Variants in MGAT4C observed in about 807,000 individuals in gnomAD.
The protein encoded by MGAT4C is alpha-1,3-mannosyl-glycoprotein 4-beta-N-acetylglucosaminyltransferase C.
In MGAT4C, 19 loss-of-function variants were observed where a neutral mutation model predicts 40.1. The observed-to-expected ratio is 0.47, with a 90% CI of 0.33 to 0.70. The LOEUF (loss-of-function observed/expected upper bound fraction) is 0.70. Ranked by LOEUF, MGAT4C falls within the 30% of genes least tolerant of loss-of-function variation. The pLI is 0.02. For synonymous variants in MGAT4C, 181 were observed against 187.1 expected (o/e 0.97, Z 0.27); for missense variants, 491 against 563.2 (o/e 0.87, Z 1.30).
Position 86,704,971 on chromosome 12 carries a change from T to G in MGAT4C, c.-229+22238A>C, listed in dbSNP as rs141030733. On this transcript the variant is annotated intron_variant, in intron 2 of 7. Transcript: ENST00000548651. ...CCCACCTTTTCAAATTATAAAGAAT[T>G]CATCTTTGTAGCCTTTTCTTGGAAA... is the stretch of plus-strand genomic sequence containing the variant. Among the ~76,000 whole-genome samples the G allele has an allele frequency of 1.4e-4, 21 of 152,228 alleles. No homozygotes were observed. In the East Asian group the frequency reaches 4.1e-3, roughly 29 times the overall value.
intron 3 of MGAT4C, among the ~76,000 whole-genome samples, chr12:86,392,342 T>G (rs992023976): frequency 2.0e-5 from 3 of 151,916 alleles, no homozygotes; most frequent in African/African-American, 7.3e-5. Flanking sequence ...TGTGGTGGCA[T>G]GCACCTGTAA....
At chr12:85,987,944 CAA>C (rs1334999737) in intron 3 of MGAT4C, among the ~76,000 whole-genome samples, 2 of 152,052 alleles carry the variant, frequency 1.3e-5, no homozygotes, top group African/African-American at 4.8e-5. Flanking sequence ...AATAATTAAT[CAA>C]GAGAATCTCT....
chr12:86,266,507 A>C (rs1315718783), intron 4 of MGAT4C, among the ~76,000 whole-genome samples: 1 of 152,080 alleles, frequency 6.6e-6, no homozygotes, highest in Non-Finnish European at 1.5e-5. Flanking sequence ...GTGGTGTATT[A>C]TCTTTTTGAT....
chr12:86,798,963 C>A (rs1333602208), intron 1 of MGAT4C, among the ~76,000 whole-genome samples: 1 of 151,812 alleles, frequency 6.6e-6, no homozygotes, highest in Admixed American at 6.6e-5. Flanking sequence ...ACTGGGGCCA[C>A]TTTATAGAAG....
chr12:86,688,623 T>C (rs1045403190), intron 2 of MGAT4C, among the ~76,000 whole-genome samples: 5 of 152,178 alleles, frequency 3.3e-5, no homozygotes, highest in African/African-American at 1.2e-4. Context: ...TGGCTGGATA[T>C]GAAATTCTGG....
At chr12:86,230,032 C>G (rs368717724) in intron 1 of MGAT4C, among the ~76,000 whole-genome samples, 3 of 152,110 alleles carry the variant, frequency 2.0e-5, no homozygotes, top group South Asian at 4.1e-4. Context: ...TGAAATACTG[C>G]GATTGCTCCC....
chr12:86,752,236 T>G (rs916151926), intron 1 of MGAT4C, among the ~76,000 whole-genome samples: 1 of 152,080 alleles, frequency 6.6e-6, no homozygotes, highest in Non-Finnish European at 1.5e-5. Context: ...AATTAAATCC[T>G]GTGTCTAGTG....
intron 1 of MGAT4C, among the ~76,000 whole-genome samples, chr12:86,255,148 C>T (rs1313283327): frequency 6.6e-6 from 1 of 151,996 alleles, no homozygotes; most frequent in Non-Finnish European, 1.5e-5. Flanking sequence ...GTTTTATAAC[C>T]CTAGGAGGAA....
intron 1 of MGAT4C, among the ~76,000 whole-genome samples, chr12:86,167,618 G>A (rs1886328927): frequency 1.3e-5 from 2 of 151,856 alleles, no homozygotes; most frequent in Admixed American, 1.3e-4. Flanking sequence ...AAAGTAAAGA[G>A]AGCAAGCACA....
At chr12:86,376,353 G>A (rs892489472) in intron 3 of MGAT4C, among the ~76,000 whole-genome samples, 1 of 151,944 alleles carries the variant, frequency 6.6e-6, no homozygotes, top group African/African-American at 2.4e-5. Flanking sequence ...ACTCCAGCCT[G>A]GGTGACAGAA....
At chr12:86,087,945 A>G (rs1872189480) in intron 1 of MGAT4C, among the ~76,000 whole-genome samples, 1 of 152,122 alleles carries the variant, frequency 6.6e-6, no homozygotes, top group African/African-American at 2.4e-5. Context: ...AGCAAAAAGA[A>G]CAAAGTTGGA....
chr12:86,569,910 G>A (rs78422834), intron 2 of MGAT4C, among the ~76,000 whole-genome samples: 1,572 of 152,198 alleles, frequency 0.01, 16 homozygotes, highest in East Asian at 0.038. Flanking sequence ...CAATATGGAT[G>A]AACCTGGAGG....
At chr12:86,563,374 C>G (rs1185727382) in intron 2 of MGAT4C, among the ~76,000 whole-genome samples, 1 of 152,294 alleles carries the variant, frequency 6.6e-6, no homozygotes, top group East Asian at 1.9e-4. Flanking sequence ...GCTAATTAAT[C>G]ACAGTGTTCC....
chr12:86,801,279 A>C (rs923695855), intron 1 of MGAT4C, among the ~76,000 whole-genome samples: 1 of 151,928 alleles, frequency 6.6e-6, no homozygotes, highest in African/African-American at 2.4e-5. Flanking sequence ...CTTCAAGAAA[A>C]GCAGTGTCCT....
intron 1 of MGAT4C, among the ~76,000 whole-genome samples, chr12:86,077,153 T>C (rs762142826): frequency 1.3e-5 from 2 of 152,194 alleles, no homozygotes; most frequent in African/African-American, 2.4e-5. Flanking sequence ...ATTAGAACTT[T>C]GTATCCTTCT....
At chr12:86,371,148 G>A (rs921809455) in intron 3 of MGAT4C, among the ~76,000 whole-genome samples, 10 of 152,018 alleles carry the variant, frequency 6.6e-5, no homozygotes, top group African/African-American at 9.6e-5. Context: ...CTAAATATTC[G>A]AAAATTCCTC....
intron 4 of MGAT4C, among the ~76,000 whole-genome samples, chr12:86,301,658 T>G (rs1284380564): frequency 6.6e-6 from 1 of 152,222 alleles, no homozygotes; most frequent in Non-Finnish European, 1.5e-5. Flanking sequence ...CATATGGATG[T>G]GTGATATATG....
chr12:86,781,646 A>T (rs1951842728), intron 1 of MGAT4C, among the ~76,000 whole-genome samples: 1 of 152,172 alleles, frequency 6.6e-6, no homozygotes, highest in Non-Finnish European at 1.5e-5. Flanking sequence ...GAAAAAAAAA[A>T]TGACAACATC....
intron 1 of MGAT4C, among the ~76,000 whole-genome samples, chr12:86,203,355 G>T (rs1628799): frequency 0.87 from 131,985 of 152,094 alleles, 57,464 homozygotes; most frequent in African/African-American, 0.93. Context: ...ACCTCTTATA[G>T]TTTCCAGTCG....
Sources: gnomAD v4.1 joint callset for allele counts (sites outside exome capture counted in the v4.1 genomes callset) on GRCh38, gnomAD v4.1.1 for gene constraint, MANE v1.5 for transcripts, NCBI Gene and HGNC (gene_info 2026-07-23, HGNC 2026-07-21) for gene names.